ZNF208: variants seen among roughly 807,000 people sequenced by gnomAD.
ZNF208 encodes zinc finger protein 208.
In ZNF208, 10 loss-of-function variants were observed where a neutral mutation model predicts 12.1. The ratio of observed to expected loss-of-function variants is 0.83; its 90% CI spans 0.51 to 1.40. ZNF208 has a LOEUF of 1.40. Ranked by LOEUF, ZNF208 falls within the 40% of genes most tolerant of loss-of-function variation. The probability of loss-of-function intolerance (pLI) is 0.00; values close to 1 mark genes in which losing one functional copy is unlikely to be tolerated. For synonymous variants in ZNF208, 497 were observed against 488.4 expected (o/e 1.02, Z -0.23); for missense variants, 1,652 against 1,485.0 (o/e 1.11, Z -1.85).
Position 21,973,320 on chromosome 19 carries a change from T to C in ZNF208, c.1714A>G (p.Lys572Glu), listed in dbSNP as rs371033881. The change falls in exon 4 of 4, where the codon AAG becomes GAG. Residue 572 changes from lysine to glutamate, a missense_variant. This residue lies in a region of ZNF208 where 1,239 missense variants were observed against 1,086.2 expected (regional missense o/e 1.14). Coordinates refer to ENST00000397126, the MANE Select transcript of ZNF208 (RefSeq NM_007153.3). ...GGTTTCTCTACAGTATGAATTTTCT[T>C]ATGATAACTAAGGGTTGAGGACCAC... ...YKWSSTLSYH[K>E]KIHTVEKPYK... 12 of 1,609,922 alleles carry C rather than the reference T, an allele frequency of 7.5e-6. No individual in the cohort carries two copies. Among genetic ancestry groups the C allele is most frequent in the Non-Finnish European group, 1.0e-5 (12 of 1,178,482 alleles).
rs1239173802 is a variant in ZNF208, at chr19:21,974,520, G to A, written c.514C>T (p.His172Tyr). 3 of 1,613,676 alleles carry A rather than the reference G, an allele frequency of 1.9e-6. No individual in the cohort carries two copies. The highest frequency in any genetic ancestry group is 3.3e-5 in the Admixed American group (2 of 59,970). The change falls in exon 4 of 4, where the codon CAT becomes TAT. Residue 172 changes from histidine to tyrosine, a missense_variant. Transcript: ENST00000397126. ...CTGACGTATTCTTTACATTGCAAAT[G>A]TTTCTTTCCAGTATGCCTTATCTTA... Reference protein sequence around the residue: ...RHKIRHTGKKHLQCKEYVRSF... With the variant: ...RHKIRHTGKKYLQCKEYVRSF...
At position 21,974,747 on chromosome 19, in the gene ZNF208, T is replaced by C; in HGVS notation, c.287A>G (p.Gln96Arg). The change falls in exon 4 of 4, where the codon CAA becomes CGA. Residue 96 changes from glutamine (Q) to arginine (R), a missense_variant. Physicochemically the swap from Gln to Arg is conservative, Grantham distance 43 (BLOSUM62 1). Transcript: ENST00000397126. Reference protein sequence around the residue: ...WPEQGIEDSFQKVILRRYEKC... With the variant: ...WPEQGIEDSFRKVILRRYEKC... ...TTCATACCTTCTCAATATCACTTTTTGGAAAGAATCTTCTATGCCCTGCTC... is the reference window on the plus strand; with the variant it reads ...TTCATACCTTCTCAATATCACTTTTCGGAAAGAATCTTCTATGCCCTGCTC... The C allele has an allele frequency of 1.2e-6, 2 of 1,610,928 alleles. No individual in the cohort carries two copies. The highest frequency in any genetic ancestry group is 2.2e-5 in the East Asian group (1 of 44,794).
rs747737542 is a variant in ZNF208 at position 21,987,306 on chromosome 19, C to G, written c.136G>C (p.Ala46Pro). The G allele has an allele frequency of 6.2e-7, 1 of 1,603,886 alleles. No individual in the cohort carries two copies. Among genetic ancestry groups the G allele is most frequent in the Non-Finnish European group, 8.5e-7 (1 of 1,176,234 alleles). ...ATGATCAGGTCTGGCTTAAAGGCAG[C>G]AATACCTGTTTTATTAAAAATGAAC... ...NYRNLVFLGI[A>P]AFKPDLIIFL... The change falls in exon 3 of 4, where the codon GCT (alanine) becomes CCT (proline). Residue 46 changes from alanine to proline, a missense_variant. By Grantham distance (27) the Ala-to-Pro change is conservative (BLOSUM62 -1). Coordinates refer to ENST00000397126, the MANE Select transcript of ZNF208 (RefSeq NM_007153.3).
rs1970325636 is a variant in ZNF208, at chr19:21,972,742, A to C, written c.2292T>G (p.Leu764=). The C allele has an allele frequency of 6.3e-7, 1 of 1,588,922 alleles. No individual in the cohort carries two copies. The highest frequency in any genetic ancestry group is 1.4e-5 in the African/African-American group (1 of 73,434). The part of the protein sequence containing the change: ...CGKAYKWSST[L]SYHKKIHTVE... Reference sequence around the variant, plus strand: ...CAGTATGAATTTTCTTATGATAACTAAGGGTTGAGGACCACTTATAGGCTT... The same window carrying C: ...CAGTATGAATTTTCTTATGATAACTCAGGGTTGAGGACCACTTATAGGCTT... The change falls in exon 4 of 4, where the codon CTT becomes CTG. Residue 764 remains leucine (L), a synonymous_variant. Transcript: ENST00000397126.
At chr19:22,007,312 G>A (rs369814667) in intron 1 of ZNF208, among the ~76,000 whole-genome samples, 1 of 151,292 alleles carries the variant, frequency 6.6e-6, no homozygotes, top group East Asian at 2.0e-4. Flanking sequence ...GAGGTCAGGA[G>A]ATTGAGACCA....
chr19:21,947,132 G>T (rs1178753614), intron 4 of ZNF208, among the ~76,000 whole-genome samples: 5 of 152,014 alleles, frequency 3.3e-5, no homozygotes, highest in Non-Finnish European at 7.4e-5. Context: ...TAATTTCCTA[G>T]CAACAGGGCG....
Position 21,972,804 on chromosome 19 carries a change from T to C in ZNF208, c.2230A>G (p.Thr744Ala), listed in dbSNP as rs751364402. 2.5e-6 allele frequency: 4 copies of C among 1,611,722 alleles called. No homozygotes were observed. The highest frequency in any genetic ancestry group is 3.4e-6 in the Non-Finnish European group (4 of 1,179,706). Reference protein sequence around the residue: ...SVLTKHKVIHTGEKPYKCEEC... With the variant: ...SVLTKHKVIHAGEKPYKCEEC... The stretch of plus-strand genomic sequence containing the variant: ...TCACATTTGTAGGGTTTCTCTCCAG[T>C]ATGAATTACCTTATGTTTAGTAAGG... Residue 744 changes from threonine (T) to alanine (A), a missense_variant, in exon 4 of 4, where the codon ACT (threonine) becomes GCT (alanine). Thr to Ala is a moderately conservative substitution (Grantham distance 58). This residue lies in a region of ZNF208 where 1,239 missense variants were observed against 1,086.2 expected (regional missense o/e 1.14). Coordinates refer to ENST00000397126, the MANE Select transcript of ZNF208 (RefSeq NM_007153.3).
Position 21,974,649 on chromosome 19 carries a change from C to A in ZNF208, c.385G>T (p.Gly129Cys). 1 of 1,613,632 alleles carries A rather than the reference C, an allele frequency of 6.2e-7. No individual in the cohort carries two copies. The highest frequency in any genetic ancestry group is 8.5e-7 in the Non-Finnish European group (1 of 1,179,754). Residue 129 changes from glycine (G) to cysteine (C), a missense_variant, in exon 4 of 4, where the codon GGT becomes TGT. Coordinates refer to ENST00000397126, the MANE Select transcript of ZNF208 (RefSeq NM_007153.3). ...NVDECKVHKEGYNKLNQSLTT... is the reference protein window; with the variant it reads ...NVDECKVHKECYNKLNQSLTT... ...AAACTCTGGTTAAGTTTATTATAAC[C>A]TTCTTTGTGCACCTTACACTCATCC...
intron 1 of ZNF208, among the ~76,000 whole-genome samples, chr19:22,005,707 A>G (rs1444560331): frequency 2.0e-5 from 3 of 152,202 alleles, no homozygotes; most frequent in Admixed American, 2.0e-4. Flanking sequence ...AACCTGATAC[A>G]GCTACTCACA....
intron 1 of ZNF208, among the ~76,000 whole-genome samples, chr19:21,994,674 G>A (rs1221481935): frequency 1.3e-5 from 2 of 151,784 alleles, no homozygotes; most frequent in Non-Finnish European, 2.9e-5. Context: ...AATCCCTTAA[G>A]GTTTTCTAGA....
downstream of ZNF208, among the ~76,000 whole-genome samples, chr19:21,963,075 T>C (rs1367286724): frequency 1.3e-5 from 2 of 152,090 alleles, no homozygotes; most frequent in Non-Finnish European, 2.9e-5. Flanking sequence ...CCCCACTTTA[T>C]ATCAGTGGAA....
At chr19:21,954,718 C>T (rs1275045298) in intron 4 of ZNF208, among the ~76,000 whole-genome samples, 2 of 152,148 alleles carry the variant, frequency 1.3e-5, no homozygotes, top group African/African-American at 4.8e-5. Context: ...TATTTTGAGC[C>T]TATGTGTGTC....
In ZNF208 at chr19:21,987,215, C is replaced by T; in HGVS notation, c.226+1G>A. ...TGTTGTCTGTATTCACTCTCACCTA[C>T]CTGGGGATTCTTCCACCATCTCATG... On this transcript the variant is annotated splice_donor_variant, in intron 3 of 3. Coordinates refer to ENST00000397126, the MANE Select transcript of ZNF208 (RefSeq NM_007153.3). LOFTEE classifies it high-confidence loss of function. 1.2e-6 allele frequency: 2 copies of T among 1,609,654 alleles called. No individual in the cohort carries two copies. Among genetic ancestry groups the T allele is most frequent in the Non-Finnish European group, 1.7e-6 (2 of 1,178,248 alleles).
At chr19:21,955,735 T>A (rs1969963471) in intron 4 of ZNF208, among the ~76,000 whole-genome samples, 1 of 152,230 alleles carries the variant, frequency 6.6e-6, no homozygotes, top group Non-Finnish European at 1.5e-5. Flanking sequence ...TTGTCTAATC[T>A]TTTTTCAAGG....
intron 4 of ZNF208, among the ~76,000 whole-genome samples, chr19:21,956,781 C>A (rs1969985639): frequency 6.6e-6 from 1 of 152,192 alleles, no homozygotes; most frequent in Non-Finnish European, 1.5e-5. Flanking sequence ...ACCCCTTGCA[C>A]TTTCCAGCTG....
chr19:21,951,296 A>C (rs375143061), intron 4 of ZNF208, among the ~76,000 whole-genome samples: 1 of 152,212 alleles, frequency 6.6e-6, no homozygotes, highest in African/African-American at 2.4e-5. Context: ...TTTTACATTA[A>C]AGTTAAAATT....
At chr19:21,997,963 T>C (rs1970870399) in intron 1 of ZNF208, 1 of 151,906 alleles carries the variant, frequency 6.6e-6, no homozygotes, top group South Asian at 2.1e-4. Context: ...AAGTTAAAAG[T>C]GTCTTAAGAA....
At position 21,967,920 on chromosome 19, in the gene ZNF208, C is replaced by G. The variant is rs1970201934; in HGVS notation, c.*3271G>C. On this transcript the variant is annotated 3_prime_UTR_variant, in exon 4 of 4. Coordinates refer to ENST00000397126, the MANE Select transcript of ZNF208 (RefSeq NM_007153.3). ...TTGCATTGTCTCTCGTTTCTTTCAG[C>G]AATGTTTTGTTGTTCTTTGTAGAGA... The G allele has an allele frequency of 6.6e-6, 1 of 152,070 alleles. No individual in the cohort carries two copies. Among genetic ancestry groups the G allele is most frequent in the African/African-American group, 2.4e-5 (1 of 41,422 alleles). 9.4% of individuals were successfully genotyped at this position (152,070 alleles called of 1,614,324 possible).
intron 4 of ZNF208, among the ~76,000 whole-genome samples, chr19:21,955,437 C>T (rs1969957857): frequency 2.0e-5 from 3 of 152,310 alleles, no homozygotes; most frequent in Non-Finnish European, 2.9e-5. Flanking sequence ...CAACTTGGTT[C>T]CATTCTCCCT....
Sources: allele counts gnomAD v4.1 joint callset (sites outside exome capture counted in the v4.1 genomes callset), GRCh38; gene constraint gnomAD v4.1.1; regional missense constraint gnomAD v4.1.1; transcripts MANE v1.5; gene names NCBI Gene and HGNC (gene_info 2026-07-23, HGNC 2026-07-21).